ZDHHC17: variants seen among roughly 807,000 people sequenced by gnomAD.
ZDHHC17 encodes the protein zDHHC palmitoyltransferase 17.
In ZDHHC17, 40 loss-of-function variants were observed where a neutral mutation model predicts 90.3. The observed-to-expected ratio is 0.44, with a 90% CI of 0.34 to 0.58. ZDHHC17 has a LOEUF of 0.58. Among genes scored for constraint, ZDHHC17 ranks in the 20% least tolerant of loss-of-function variants. The pLI, the probability that ZDHHC17 is intolerant of heterozygous loss-of-function variation, is 0.01. For synonymous variants in ZDHHC17, 235 were observed against 252.4 expected, an observed-to-expected ratio of 0.93 and a Z score of 0.65; for missense variants, 614 against 780.8, an observed-to-expected ratio of 0.79 and a Z score of 2.55.
chr12:76,821,786 G>T (rs1953165037), intron 7 of ZDHHC17, among the ~76,000 whole-genome samples: 1 of 152,106 alleles, frequency 6.6e-6, no homozygotes, highest in African/African-American at 2.4e-5. Flanking sequence ...TTCCTATCAT[G>T]TAAATTCCCT....
intron 1 of ZDHHC17, among the ~76,000 whole-genome samples, chr12:76,776,331 A>G (rs920604662): frequency 6.6e-6 from 1 of 152,174 alleles, no homozygotes; most frequent in African/African-American, 2.4e-5. Context: ...TAAGTAGTAC[A>G]GAAGGATATA....
At position 76,849,281 on chromosome 12, in the gene ZDHHC17, G is replaced by A. The variant is rs528767019; in HGVS notation, c.1666-95G>A. On this transcript the variant is annotated intron_variant, in intron 15 of 16. Coordinates refer to ENST00000426126, the MANE Select transcript of ZDHHC17 (RefSeq NM_015336.4). ...CCACCCAAGAGGGAGCTGAGAATTC[G>A]CCATTGCATTTTAGCCTGGGTGACA... The A allele has an allele frequency of 3.0e-4, 184 of 604,974 alleles. 1 individual carries two copies. In the African/African-American group the frequency reaches 3.2e-3, roughly 11 times the overall value. The allele number at this position is 604,974 out of a possible 1,614,324, so 37.5% of individuals were successfully genotyped here.
chr12:76,789,834 A>T (rs1354349643), intron 1 of ZDHHC17, among the ~76,000 whole-genome samples: 1 of 152,184 alleles, frequency 6.6e-6, no homozygotes, highest in African/African-American at 2.4e-5. Flanking sequence ...CTGACTAGTT[A>T]TTCTCAAAAC....
At chr12:76,774,044 A>G (rs1026471444) in intron 1 of ZDHHC17, among the ~76,000 whole-genome samples, 21 of 152,038 alleles carry the variant, frequency 1.4e-4, no homozygotes, top group Non-Finnish European at 2.6e-4. Context: ...GAGCCTAGCA[A>G]TTCCAGACCA....
chr12:76,784,170 A>G (rs1952660117), intron 1 of ZDHHC17, among the ~76,000 whole-genome samples: 1 of 152,244 alleles, frequency 6.6e-6, no homozygotes, highest in Admixed American at 6.5e-5. Context: ...TTCATGGAAA[A>G]TGGGTATTAT....
At chr12:76,849,323 CAAAAAAAA>C (rs34062414) in intron 15 of ZDHHC17, 45 bp from the exon 16 acceptor site, 14,768 of 454,794 alleles carry the variant, frequency 0.032, 348 homozygotes, top group Non-Finnish European at 0.04. Flanking sequence ...GGTCCTGTCT[CAAAAAAAA>C]AAAAAAAAAA....
intron 10 of ZDHHC17, among the ~76,000 whole-genome samples, chr12:76,835,886 A>G (rs1953356839): frequency 6.7e-6 from 1 of 150,242 alleles, no homozygotes; most frequent in Non-Finnish European, 1.5e-5. Flanking sequence ...TAAAGTGTTT[A>G]CTTGGATTTT....
intron 10 of ZDHHC17, among the ~76,000 whole-genome samples, chr12:76,832,884 C>T (rs769802526): frequency 5.9e-5 from 9 of 152,196 alleles, no homozygotes; most frequent in Non-Finnish European, 1.2e-4. Context: ...AGAATGTGCA[C>T]ATTTGGTGAC....
intron 7 of ZDHHC17, 31 bp from the exon 8 acceptor site, chr12:76,822,375 T>C (rs1299729312): frequency 6.2e-7 from 1 of 1,606,194 alleles, no homozygotes; most frequent in South Asian, 1.1e-5. Context: ...TTTAAACTTT[T>C]AATAGGAATT....
chr12:76,782,643 G>A (rs1952640374), intron 1 of ZDHHC17, among the ~76,000 whole-genome samples: 1 of 152,146 alleles, frequency 6.6e-6, no homozygotes, highest in Admixed American at 6.5e-5. Context: ...TTTAAGAATT[G>A]TGCTGGAGAA....
At chr12:76,815,833 G>GTTTTTTTTTT (rs77238734) in intron 6 of ZDHHC17, 24 bp from the exon 7 acceptor site, 7 of 1,141,818 alleles carry the variant, frequency 6.1e-6, no homozygotes, top group Admixed American at 3.7e-5. Flanking sequence ...GTTGTTGTTT[G>GTTTTTTTTTT]TTTTTTTTTT....
chr12:76,825,015 A>T (rs1447244206), intron 8 of ZDHHC17, among the ~76,000 whole-genome samples: 1 of 152,154 alleles, frequency 6.6e-6, no homozygotes, highest in African/African-American at 2.4e-5. Flanking sequence ...TCTTCTTAAT[A>T]AGTTGGAGGG....
chr12:76,798,326 A>G (rs773564780), intron 2 of ZDHHC17, among the ~76,000 whole-genome samples: 1 of 152,220 alleles, frequency 6.6e-6, no homozygotes, highest in Non-Finnish European at 1.5e-5. Flanking sequence ...CTGACTTTTT[A>G]TAATGCAAAG....
Position 76,805,305 on chromosome 12 carries a change from T to C in ZDHHC17, c.198-12T>C. ...TAAATAATAACAATGCCATATTTTC[T>C]TTCTTTTCTAGATATGGAATATATG... On this transcript the variant is annotated splice_polypyrimidine_tract_variant and intron_variant, in intron 2 of 16. Coordinates refer to ENST00000426126, the MANE Select transcript of ZDHHC17 (RefSeq NM_015336.4). The C allele has an allele frequency of 6.3e-7, 1 of 1,581,822 alleles. No individual in the cohort carries two copies. Among genetic ancestry groups the C allele is most frequent in the Non-Finnish European group, 8.6e-7 (1 of 1,161,024 alleles).
At position 76,852,880 on chromosome 12, in the gene ZDHHC17, C is replaced by G. The variant is rs970871760; in HGVS notation, c.*1895C>G. 16 of 152,546 alleles carry G rather than the reference C, an allele frequency of 1.0e-4. No homozygotes were observed. Among genetic ancestry groups the G allele is most frequent in the Non-Finnish European group, 2.9e-5 (2 of 68,016 alleles). The allele number at this position is 152,546 out of a possible 1,614,324, so 9.4% of individuals were successfully genotyped here. On this transcript the variant is annotated 3_prime_UTR_variant, in exon 17 of 17. Coordinates refer to ENST00000426126, the MANE Select transcript of ZDHHC17 (RefSeq NM_015336.4). ...CTTTACAAATGTCAGCTAGTTTTGACTACTAATTGGGGGAAATTTTAGATA... is the reference window on the plus strand; with the variant it reads ...CTTTACAAATGTCAGCTAGTTTTGAGTACTAATTGGGGGAAATTTTAGATA...
chr12:76,764,204 G>C lies in ZDHHC17; in HGVS notation c.-33G>C, dbSNP rs776067431. 48 of 1,341,568 alleles carry C rather than the reference G, an allele frequency of 3.6e-5. 1 individual carries two copies. The East Asian group carries it at 1.5e-3, about 42-fold the overall frequency. 83.1% of individuals were successfully genotyped at this position (1,341,568 alleles called of 1,614,324 possible). ...CCCGCGCTCGCCCTCCGCCTCGCCC[G>C]AGCCCCGGGAGGGTGAAACGCTTTC... On this transcript the variant is annotated 5_prime_UTR_variant, in exon 1 of 17. Coordinates refer to ENST00000426126, the MANE Select transcript of ZDHHC17 (RefSeq NM_015336.4).
chr12:76,843,344 T>A (rs12367476), intron 12 of ZDHHC17, among the ~76,000 whole-genome samples: 1,685 of 152,282 alleles, frequency 0.011, 11 homozygotes, highest in Non-Finnish European at 0.017. Flanking sequence ...TTTATACTTG[T>A]ATTTAAAAGC....
chr12:76,783,319 G>A (rs1282896345), intron 1 of ZDHHC17, among the ~76,000 whole-genome samples: 2 of 152,224 alleles, frequency 1.3e-5, no homozygotes, highest in Non-Finnish European at 2.9e-5. Context: ...GTGCCACATG[G>A]CTGGGGAGGC....
At chr12:76,773,420 C>T (rs910810568) in intron 1 of ZDHHC17, among the ~76,000 whole-genome samples, 2 of 152,092 alleles carry the variant, frequency 1.3e-5, no homozygotes, top group East Asian at 1.9e-4. Flanking sequence ...CTTCATAGCT[C>T]GTTTCTTTTT....
Sources: gnomAD v4.1 joint callset for allele counts (sites outside exome capture counted in the v4.1 genomes callset) on GRCh38, gnomAD v4.1.1 for gene constraint, MANE v1.5 for transcripts, NCBI Gene and HGNC (gene_info 2026-07-23, HGNC 2026-07-21) for gene names.